Variants in RELB observed in about 807,000 individuals in gnomAD.
RELB encodes the protein transcription factor RelB.
Under a neutral mutation model 55.4 loss-of-function variants are expected in RELB, and 14 were observed. That is an observed-to-expected ratio of 0.25 (90% CI 0.17 to 0.40). RELB has a LOEUF of 0.40. Among genes scored for constraint, RELB ranks in the 10% least tolerant of loss-of-function variants. RELB has a pLI of 1.00. For missense variants in RELB, 669 were observed against 830.7 expected (o/e 0.81, Z 2.39); for synonymous variants, 409 against 371.3 (o/e 1.10, Z -1.17).
chr19:45,009,346 G>A (rs933762570), intron 2 of RELB, among the ~76,000 whole-genome samples: 4 of 152,160 alleles, frequency 2.6e-5, no homozygotes, highest in African/African-American at 9.7e-5. Context: ...CTCCCAAAGT[G>A]CTGGGATTAC....
intron 4 of RELB, among the ~76,000 whole-genome samples, chr19:45,017,742 T>G (rs1971438000): frequency 6.7e-6 from 1 of 149,294 alleles, no homozygotes; most frequent in Non-Finnish European, 1.5e-5. Context: ...GCCTCTCAGG[T>G]TCAAGCAGTC....
chr19:45,011,105 G>A (rs1971345245), intron 3 of RELB, among the ~76,000 whole-genome samples: 1 of 152,110 alleles, frequency 6.6e-6, no homozygotes, highest in Admixed American at 6.6e-5. Flanking sequence ...GCCTGCCTCG[G>A]CCTCCCAAAG....
At chr19:45,029,367 A>G (rs36072657) in intron 8 of RELB, among the ~76,000 whole-genome samples, 3,316 of 151,798 alleles carry the variant, frequency 0.022, 149 homozygotes, top group African/African-American at 0.076. Flanking sequence ...AGGAGAAGCA[A>G]CTCCACTTCA....
chr19:45,031,628 T>C (rs975076826), intron 8 of RELB, among the ~76,000 whole-genome samples: 1 of 152,004 alleles, frequency 6.6e-6, no homozygotes, highest in East Asian at 1.9e-4. Flanking sequence ...CAGGCTGGAG[T>C]GCAGTGGTGC....
At chr19:45,002,195 T>A (rs889675477) in intron 1 of RELB, among the ~76,000 whole-genome samples, 1 of 96,342 alleles carries the variant, frequency 1.0e-5, no homozygotes, top group Non-Finnish European at 2.1e-5. Flanking sequence ...TCTGGCCGAG[T>A]GGAGGGGAAG....
At chr19:45,015,845 A>G (rs542307185) in intron 4 of RELB, among the ~76,000 whole-genome samples, 50 of 152,108 alleles carry the variant, frequency 3.3e-4, no homozygotes, top group African/African-American at 1.1e-3. Flanking sequence ...TGAGTCCGAG[A>G]CTGTTGACTC....
At position 45,009,787 on chromosome 19, in the gene RELB, CT is replaced by C. The variant is rs1282623837; in HGVS notation, c.155-26del. ...TGACCACTTTCTGGACCTTACCTTT[CT>C]CTTTCTCTTTCTCTTCCTTCCACAG... On this transcript the variant is annotated intron_variant, in intron 2 of 11. Transcript: ENST00000221452. 3.1e-6 allele frequency: 5 copies of C among 1,593,922 alleles called. No homozygotes were observed. The East Asian group carries it at 1.1e-4, about 36-fold the overall frequency.
Position 45,011,923 on chromosome 19 carries a change from T to A in RELB, c.164-13T>A, listed in dbSNP as rs1971363576. On this transcript the variant is annotated splice_polypyrimidine_tract_variant and intron_variant, in intron 3 of 11. Coordinates refer to ENST00000221452, the MANE Select transcript of RELB (RefSeq NM_006509.4). Reference sequence around the variant, plus strand: ...AGAATGGGCGTCACCACCCGTTTTTTCTTCTCCCGCAGAGATCATCGACGA... The same window carrying A: ...AGAATGGGCGTCACCACCCGTTTTTACTTCTCCCGCAGAGATCATCGACGA... 1 of 1,475,656 alleles carries A rather than the reference T, an allele frequency of 6.8e-7. No individual in the cohort carries two copies. The highest frequency in any genetic ancestry group is 2.7e-5 in the East Asian group (1 of 37,324). 91.4% of individuals were successfully genotyped at this position (1,475,656 alleles called of 1,614,324 possible). A position where few individuals can be genotyped will look rare whatever the true frequency, so the allele number is the denominator to read the frequency against.
chr19:45,025,375 G>C lies in RELB; in HGVS notation c.709G>C (p.Ala237Pro), dbSNP rs780892843. The change falls in exon 6 of 12, where the codon GCT becomes CCT. Residue 237 changes from alanine to proline, a missense_variant. Transcript: ENST00000221452. ...GTGTGTGAGGAAGAAGGAGATTGAG[G>C]CTGCCATTGAGCGGAAGATTCAACT... The part of the protein sequence containing the change: ...IQCVRKKEIE[A>P]AIERKIQLGI... 1 of 1,612,860 alleles carries C rather than the reference G, an allele frequency of 6.2e-7. No individual in the cohort carries two copies. The highest frequency in any genetic ancestry group is 8.5e-7 in the Non-Finnish European group (1 of 1,179,566).
intron 8 of RELB, among the ~76,000 whole-genome samples, chr19:45,030,783 C>T (rs1076986): frequency 0.39 from 59,919 of 151,944 alleles, 12,158 homozygotes; most frequent in South Asian, 0.58. Flanking sequence ...GGCAATAGAG[C>T]GAGACTCTGT....
intron 4 of RELB, among the ~76,000 whole-genome samples, chr19:45,013,838 A>G (rs1971390670): frequency 6.6e-6 from 1 of 151,942 alleles, no homozygotes; most frequent in African/African-American, 2.4e-5. Context: ...TTCTAAAAAA[A>G]AGAAAAAGAA....
chr19:45,018,620 G>T (rs1971448504), intron 4 of RELB, among the ~76,000 whole-genome samples: 1 of 150,702 alleles, frequency 6.6e-6, no homozygotes, highest in African/African-American at 2.4e-5. Flanking sequence ...CTACAGAAAA[G>T]TTAAAAAATA....
chr19:45,001,472 G>A lies in RELB; in HGVS notation c.-108G>A, dbSNP rs1600057319. 2 of 263,076 alleles carry A rather than the reference G, an allele frequency of 7.6e-6. No individual in the cohort carries two copies. The highest frequency in any genetic ancestry group is 2.5e-4 in the East Asian group (2 of 8,156). 16.3% of individuals were successfully genotyped at this position (263,076 alleles called of 1,614,324 possible). ...CCGGCCCCGCGCCCCGCGCAGCCCC[G>A]GGCGCCGCGCGTCCTGCCCGGCCTG... On this transcript the variant is annotated 5_prime_UTR_variant, in exon 1 of 12. Coordinates refer to ENST00000221452, the MANE Select transcript of RELB (RefSeq NM_006509.4).
chr19:45,001,672 G>A lies in RELB; in HGVS notation c.93G>A (p.Glu31=). 1 of 1,522,598 alleles carries A rather than the reference G, an allele frequency of 6.6e-7. No homozygotes were observed. Among genetic ancestry groups the A allele is most frequent in the Non-Finnish European group, 8.8e-7 (1 of 1,141,066 alleles). The allele number at this position is 1,522,598 out of a possible 1,614,324, so 94.3% of individuals were successfully genotyped here. The change falls in exon 1 of 12, where the codon GAG becomes GAA. Residue 31 remains glutamate (E), a synonymous_variant. Coordinates refer to ENST00000221452, the MANE Select transcript of RELB (RefSeq NM_006509.4). ...RRVARPPAAP[E]LGALGSPDLS... ...TCGCCAGACCGCCGGCTGCGCCGGA[G>A]CTGGGGGCCTTAGGTAAGCGGGGCT... is the stretch of plus-strand genomic sequence containing the variant.
chr19:45,023,911 T>C (rs1161094414), intron 5 of RELB, among the ~76,000 whole-genome samples: 1 of 149,166 alleles, frequency 6.7e-6, no homozygotes, highest in Non-Finnish European at 1.5e-5. Context: ...CCACCACACC[T>C]GGCTAATTTT....
chr19:45,038,089 A>C lies in RELB; in HGVS notation c.*299A>C. The C allele has an allele frequency of 6.2e-6, 2 of 321,504 alleles. No homozygotes were observed. Among genetic ancestry groups the C allele is most frequent in the East Asian group, 4.9e-5 (1 of 20,464 alleles). 19.9% of individuals were successfully genotyped at this position (321,504 alleles called of 1,614,324 possible). ...CAGTAGGATTCGGAAAAGATTGTAC[A>C]TATGGGAGGAGGGGGCAGATTCCTG... is the stretch of plus-strand genomic sequence containing the variant. On this transcript the variant is annotated 3_prime_UTR_variant, in exon 12 of 12. Coordinates refer to ENST00000221452, the MANE Select transcript of RELB (RefSeq NM_006509.4).
chr19:45,016,648 G>A (rs528303794), intron 4 of RELB, among the ~76,000 whole-genome samples: 6 of 152,084 alleles, frequency 3.9e-5, no homozygotes, highest in African/African-American at 1.2e-4. Flanking sequence ...GTTAGACCTC[G>A]TCTCAAAAAA....
chr19:45,023,393 TTTCCTTCC>T lies in RELB; in HGVS notation c.662+1216_662+1223del, dbSNP rs58473606. 3.1e-3 allele frequency among the ~76,000 whole-genome samples: 451 copies of T among 144,684 alleles called. 2 individuals are homozygous for T. The highest frequency in any genetic ancestry group is 9.2e-3 in the African/African-American group (359 of 39,150). The allele number at this position is 144,684 out of a possible 152,430, so 94.9% of individuals were successfully genotyped here. A position where few individuals can be genotyped will look rare whatever the true frequency, so the allele number is the denominator to read the frequency against. ...CATTGGTGTTTAATTTGCAGTTTTC[TTTCCTTCC>T]TTCCTTCCTTCCTTCCTTCCTTCCT... is the stretch of plus-strand genomic sequence containing the variant. On this transcript the variant is annotated intron_variant, in intron 5 of 11. Transcript: ENST00000221452.
intron 8 of RELB, among the ~76,000 whole-genome samples, chr19:45,030,278 G>T (rs1270953517): frequency 1.3e-5 from 2 of 151,968 alleles, no homozygotes; most frequent in African/African-American, 4.8e-5. Context: ...TTTGAGTCCA[G>T]TCTGGGCAAC....
Sources: allele counts gnomAD v4.1 joint callset (sites outside exome capture counted in the v4.1 genomes callset), GRCh38; gene constraint gnomAD v4.1.1; transcripts MANE v1.5; gene names NCBI Gene and HGNC (gene_info 2026-07-23, HGNC 2026-07-21).